ATAT1: variants seen among roughly 807,000 people sequenced by gnomAD.
The protein encoded by ATAT1 is alpha-tubulin N-acetyltransferase 1.
A neutral mutation model predicts 57.2 loss-of-function variants in ATAT1; 42 were observed. That is an observed-to-expected ratio of 0.73 (90% CI 0.57 to 0.95). The LOEUF (loss-of-function observed/expected upper bound fraction) is 0.95, where lower values mean the gene tolerates loss of function less well. Ranked by LOEUF, ATAT1 falls within the 40% of genes least tolerant of loss-of-function variation. The pLI, the probability that ATAT1 is intolerant of heterozygous loss-of-function variation, is 0.00. For synonymous variants in ATAT1, 168 were observed against 187.1 expected (o/e 0.90, Z 0.83); for missense variants, 454 against 523.7 (o/e 0.87, Z 1.30).
Position 30,642,374 on chromosome 6 carries a change from G to A in ATAT1, c.688+127G>A. On this transcript the variant is annotated intron_variant, in intron 9 of 12. Coordinates refer to ENST00000330083, the MANE Select transcript of ATAT1 (RefSeq NM_001031722.4). ...TCAGATTTCTTGGGCTGGGCATGGT[G>A]GCTCATGCCTGTAATCCCAGCACTT... 4 of 1,322,632 alleles carry A rather than the reference G, an allele frequency of 3.0e-6. No individual in the cohort carries two copies. In the Admixed American group the frequency reaches 6.0e-5, roughly 20 times the overall value. 81.9% of individuals were successfully genotyped at this position (1,322,632 alleles called of 1,614,324 possible).
chr6:30,627,609 G>C, intron 2 of ATAT1, 27 bp from the exon 3 acceptor site: 1 of 1,611,466 alleles, frequency 6.2e-7, no homozygotes, highest in Non-Finnish European at 8.5e-7. Flanking sequence ...GAGACTTGCA[G>C]AAAGTCTGAC....
chr6:30,626,937 C>T lies in ATAT1; in HGVS notation c.-267C>T. The T allele has an allele frequency of 6.2e-7, 1 of 1,609,436 alleles. No individual in the cohort carries two copies. On this transcript the variant is annotated 5_prime_UTR_variant, in exon 1 of 13. Transcript: ENST00000330083. ...GCTGTTCCCGGAGCGGATCACGGTG[C>T]TGGACCAGCACCTGAGGCCCCCAGC...
At chr6:30,628,193 C>A in intron 5 of ATAT1, 48 bp downstream of exon 5, 2 of 1,561,430 alleles carry the variant, frequency 1.3e-6, no homozygotes, top group Non-Finnish European at 1.8e-6. Flanking sequence ...GGCTCCTTTG[C>A]CCTGAGCCCT....
chr6:30,627,433 G>T (rs767634644), intron 1 of ATAT1, 27 bp from the exon 2 acceptor site: 3 of 1,609,414 alleles, frequency 1.9e-6, no homozygotes, highest in Admixed American at 1.7e-5. Context: ...GTGAGTATCT[G>T]ACTCTTTATT....
At position 30,629,378 on chromosome 6, in the gene ATAT1, G is replaced by A. The variant is rs139940403; in HGVS notation, c.501+948G>A. Among the ~76,000 whole-genome samples the A allele has an allele frequency of 3.7e-3, 565 of 150,882 alleles. 15 individuals carry two copies. The South Asian group carries it at 0.042, about 11-fold the overall frequency. Reference sequence around the variant, plus strand: ...TGTGCCTCAGCCTCCTGAGTAGTAGGGATTACAGGCATGCACCATCATGCC... The same window carrying A: ...TGTGCCTCAGCCTCCTGAGTAGTAGAGATTACAGGCATGCACCATCATGCC... On this transcript the variant is annotated intron_variant, in intron 6 of 12. Coordinates refer to ENST00000330083, the MANE Select transcript of ATAT1 (RefSeq NM_001031722.4).
intron 10 of ATAT1, 113 bp downstream of exon 10, chr6:30,643,124 G>GT: frequency 6.6e-7 from 1 of 1,507,634 alleles, no homozygotes; most frequent in Non-Finnish European, 8.8e-7. Flanking sequence ...GGGTGGCTTG[G>GT]GGGGGGTCCT....
intron 3 of ATAT1, 41 bp from the exon 4 acceptor site, chr6:30,627,810 T>G: frequency 6.2e-7 from 1 of 1,607,906 alleles, no homozygotes; most frequent in Non-Finnish European, 8.5e-7. Flanking sequence ...CTCTTGCAGA[T>G]AGATACCACT....
chr6:30,635,978 A>T (rs1763988053), intron 6 of ATAT1, among the ~76,000 whole-genome samples: 1 of 152,122 alleles, frequency 6.6e-6, no homozygotes, highest in Non-Finnish European at 1.5e-5. Context: ...TAGAGAGAAA[A>T]TATTATTATG....
In ATAT1 at chr6:30,638,585, T is replaced by A. The variant is rs200200531; in HGVS notation, c.502-1792T>A. 6.6e-5 allele frequency among the ~76,000 whole-genome samples: 10 copies of A among 152,122 alleles called. No homozygotes were observed. In the East Asian group the frequency reaches 1.4e-3, roughly 21 times the overall value. On this transcript the variant is annotated intron_variant, in intron 6 of 12. Transcript: ENST00000330083. ...ACGCCTGGCCCCCGAGTTTTTTTTT[T>A]TTTTTTGAGACGGAGTCTCTCTCTG... is the stretch of plus-strand genomic sequence containing the variant.
intron 7 of ATAT1, 24 bp from the exon 8 acceptor site, chr6:30,640,511 G>T: frequency 2.5e-6 from 4 of 1,611,910 alleles, no homozygotes; most frequent in South Asian, 1.1e-5. Context: ...TCACTGAGGG[G>T]CCCCGCCGCT....
chr6:30,628,466 T>C (rs1428458966), intron 6 of ATAT1, 36 bp downstream of exon 6: 5 of 1,507,406 alleles, frequency 3.3e-6, no homozygotes, highest in Non-Finnish European at 4.6e-6. Flanking sequence ...CCACTGAGCA[T>C]TCCCATTGAA....
intron 10 of ATAT1, chr6:30,644,033 C>T (rs964272574): frequency 1.0e-6 from 1 of 992,666 alleles, no homozygotes. Flanking sequence ...CCACACTTGC[C>T]CTTTGAGCCT....
intron 6 of ATAT1, among the ~76,000 whole-genome samples, chr6:30,632,604 C>A (rs183735176): frequency 6.6e-6 from 1 of 151,968 alleles, no homozygotes; most frequent in East Asian, 1.9e-4. Context: ...TGGCTGTGAT[C>A]TTGATTTTTT....
chr6:30,634,524 C>T (rs1763594472), intron 6 of ATAT1, among the ~76,000 whole-genome samples: 1 of 151,334 alleles, frequency 6.6e-6, no homozygotes. Context: ...GCTCGAATTA[C>T]AGGCGTGAGC....
In ATAT1 at chr6:30,627,651, G is replaced by A. The variant is rs199770553; in HGVS notation, c.148G>A (p.Ala50Thr). Residue 50 changes from alanine (A) to threonine (T), a missense_variant, in exon 3 of 13, where the codon GCT (alanine) becomes ACT (threonine). By Grantham distance (58) the Ala-to-Thr change is moderately conservative (BLOSUM62 0). Transcript: ENST00000330083. Reference sequence around the variant, plus strand: ...TTCCCTGCAGGCCCAGAATCTTTCCGCTCCTATCACTAGTGCATCAAGGAT... The same window carrying A: ...TTCCCTGCAGGCCCAGAATCTTTCCACTCCTATCACTAGTGCATCAAGGAT... 115 of 1,612,828 alleles carry A rather than the reference G, an allele frequency of 7.1e-5. No homozygotes were observed. The highest frequency in any genetic ancestry group is 9.2e-5 in the Non-Finnish European group (108 of 1,179,988).
rs971751139 is a variant in ATAT1, at chr6:30,630,138, G to A, written c.501+1708G>A. 5.3e-5 allele frequency among the ~76,000 whole-genome samples: 8 copies of A among 152,134 alleles called. No individual in the cohort carries two copies. The South Asian group carries it at 6.2e-4, about 12-fold the overall frequency. ...CAGACAACAGCCTGGGCAACATAGC[G>A]AAACTCTGTCTCTACAAAAAATACA... On this transcript the variant is annotated intron_variant, in intron 6 of 12. Coordinates refer to ENST00000330083, the MANE Select transcript of ATAT1 (RefSeq NM_001031722.4).
Position 30,628,495 on chromosome 6 carries a change from CA to C in ATAT1, c.501+68del, listed in dbSNP as rs201780038. On this transcript the variant is annotated intron_variant, in intron 6 of 12. Coordinates refer to ENST00000330083, the MANE Select transcript of ATAT1 (RefSeq NM_001031722.4). ...CATTGAATTTATTTGTTATTTATGGCAAAGAAGTAGTGACTTATTTCCTATC... is the reference window on the plus strand; with the variant it reads ...CATTGAATTTATTTGTTATTTATGGCAAGAAGTAGTGACTTATTTCCTATC... The C allele has an allele frequency of 2.1e-4, 279 of 1,342,302 alleles. 3 individuals are homozygous for C. In the East Asian group the frequency reaches 6.0e-3, roughly 29 times the overall value. The allele number at this position is 1,342,302 out of a possible 1,614,324, so 83.1% of individuals were successfully genotyped here.
rs898193621 is a variant in ATAT1 at position 30,629,785 on chromosome 6, C to G, written c.501+1355C>G. 3.4e-4 allele frequency among the ~76,000 whole-genome samples: 52 copies of G among 151,984 alleles called. 1 individual carries two copies. Among genetic ancestry groups the G allele is most frequent in the Non-Finnish European group, 7.4e-4 (50 of 67,928 alleles). ...GGTCTAGATCTCCTGACCTTGTGAT[C>G]TGCCCGCCTCGGCCTCCCAAAGTGC... On this transcript the variant is annotated intron_variant, in intron 6 of 12. Coordinates refer to ENST00000330083, the MANE Select transcript of ATAT1 (RefSeq NM_001031722.4).
At chr6:30,637,636 T>C (rs1459478531) in intron 6 of ATAT1, among the ~76,000 whole-genome samples, 3 of 149,880 alleles carry the variant, frequency 2.0e-5, no homozygotes, top group Admixed American at 6.6e-5. Context: ...GGAGCCGAGA[T>C]GACACCATTG....
Sources: allele counts gnomAD v4.1 joint callset (sites outside exome capture counted in the v4.1 genomes callset), GRCh38; gene constraint gnomAD v4.1.1; transcripts MANE v1.5; gene names NCBI Gene and HGNC (gene_info 2026-07-23, HGNC 2026-07-21).